The following GJC2 variants were observed in gnomAD, a reference collection of about 807,000 sequenced individuals.
GJC2 encodes gap junction protein gamma 2.
For synonymous variants in GJC2, 336 were observed against 307.5 expected, an observed-to-expected ratio of 1.09 and a Z score of -0.97; for missense variants, 647 against 648.9, an observed-to-expected ratio of 1.00 and a Z score of 0.03.
At chr1:228,155,107 A>G (rs1571906077) in intron 1 of GJC2, among the ~76,000 whole-genome samples, 1 of 152,204 alleles carries the variant, frequency 6.6e-6, no homozygotes, top group African/African-American at 2.4e-5. Flanking sequence ...TCGTCATCAC[A>G]TGGAATAGTC....
chr1:228,154,777 T>C (rs2034660368), intron 1 of GJC2, among the ~76,000 whole-genome samples: 1 of 152,242 alleles, frequency 6.6e-6, no homozygotes. Flanking sequence ...AGGCACTGGG[T>C]GCTCTACGTG....
Position 228,158,249 on chromosome 1 carries a change from G to A in GJC2, c.491G>A (p.Gly164Asp). ...EEEEETGAAE[G>D]AGEEAEEAGA... Reference sequence around the variant, plus strand: ...GAGGAGGAGACGGGGGCAGCCGAGGGCGCCGGCGAGGAAGCGGAGGAGGCA... The same window carrying A: ...GAGGAGGAGACGGGGGCAGCCGAGGACGCCGGCGAGGAAGCGGAGGAGGCA... Residue 164 changes from glycine to aspartate, a missense_variant, in exon 2 of 2, where the codon GGC (glycine) becomes GAC (aspartate). Coordinates refer to ENST00000366714, the MANE Select transcript of GJC2 (RefSeq NM_020435.4). This position sits in a 1 kb window ranked among gnomAD's most constrained non-coding sequence, Gnocchi z 8.3. The A allele has an allele frequency of 6.6e-7, 1 of 1,513,364 alleles. No individual in the cohort carries two copies. The highest frequency in any genetic ancestry group is 1.4e-5 in the African/African-American group (1 of 72,512). 93.7% of individuals were successfully genotyped at this position (1,513,364 alleles called of 1,614,324 possible).
rs1266616845 is a variant in GJC2, at chr1:228,158,886, C to T, written c.1128C>T (p.Gly376=). 1 of 1,489,212 alleles carries T rather than the reference C, an allele frequency of 6.7e-7. No individual in the cohort carries two copies. Among genetic ancestry groups the T allele is most frequent in the African/African-American group, 1.5e-5 (1 of 68,260 alleles). 92.2% of individuals were successfully genotyped at this position (1,489,212 alleles called of 1,614,324 possible). The change falls in exon 2 of 2, where the codon GGC becomes GGT. Residue 376 remains glycine (G), a synonymous_variant. Coordinates refer to ENST00000366714, the MANE Select transcript of GJC2 (RefSeq NM_020435.4). The surrounding 1 kb of genome is among the most constrained non-coding windows in gnomAD (Gnocchi z 8.3). Reference sequence around the variant, plus strand: ...ACCGGGACAGTTCGCCGTGCGTCGGCCTCCCTGCGGCCTCCCGGGGGCCCC... The same window carrying T: ...ACCGGGACAGTTCGCCGTGCGTCGGTCTCCCTGCGGCCTCCCGGGGGCCCC... ...DRDRDSSPCV[G]LPAASRGPPR... is the part of the protein sequence containing the mutation.
chr1:228,158,058 C>A lies in GJC2; in HGVS notation c.300C>A (p.His100Gln), dbSNP rs372240320. The stretch of plus-strand genomic sequence containing the variant: ...TCATGTACCTGGGCTACGCCGTGCA[C>A]CGCCTGGCCCGTGCGTCTGAGCAGG... Reference protein sequence around the residue: ...PSVMYLGYAVHRLARASEQER... With the variant: ...PSVMYLGYAVQRLARASEQER... Residue 100 changes from histidine (H) to glutamine (Q), a missense_variant, in exon 2 of 2, where the codon CAC becomes CAA. Coordinates refer to ENST00000366714, the MANE Select transcript of GJC2 (RefSeq NM_020435.4). This position sits in a 1 kb window ranked among gnomAD's most constrained non-coding sequence, Gnocchi z 8.3. 2.6e-5 allele frequency: 42 copies of A among 1,605,618 alleles called. No individual in the cohort carries two copies. The highest frequency in any genetic ancestry group is 3.5e-5 in the Non-Finnish European group (41 of 1,178,580).
At position 228,159,028 on chromosome 1, in the gene GJC2, G is replaced by C; in HGVS notation, c.1270G>C (p.Glu424Gln). The change falls in exon 2 of 2, where the codon GAG becomes CAG. Residue 424 changes from glutamate (E) to glutamine (Q), a missense_variant. Coordinates refer to ENST00000366714, the MANE Select transcript of GJC2 (RefSeq NM_020435.4). This position sits in a 1 kb window ranked among gnomAD's most constrained non-coding sequence, Gnocchi z 4.0. ...RPGAKPRAGS[E>Q]KGSASSRDGK... ...AGGAGCCAAGCCCAGGGCTGGCTCC[G>C]AGAAGGGCAGTGCCAGCAGCAGGGA... 1 of 1,609,728 alleles carries C rather than the reference G, an allele frequency of 6.2e-7. No individual in the cohort carries two copies. The highest frequency in any genetic ancestry group is 8.5e-7 in the Non-Finnish European group (1 of 1,179,504).
chr1:228,159,280 G>C lies in GJC2; in HGVS notation c.*202G>C. 1.6e-6 allele frequency: 1 copy of C among 628,994 alleles called. No individual in the cohort carries two copies. The highest frequency in any genetic ancestry group is 2.8e-6 in the Non-Finnish European group (1 of 355,742). The allele number at this position is 628,994 out of a possible 1,614,324, so 39.0% of individuals were successfully genotyped here. On this transcript the variant is annotated 3_prime_UTR_variant, in exon 2 of 2. Transcript: ENST00000366714. The surrounding 1 kb of genome is among the most constrained non-coding windows in gnomAD (Gnocchi z 4.0). ...TGGTCACCACTGGGGCCAAGGTGGG[G>C]TGGAGAGAGGCCTAGGAGCCAGAAA...
In GJC2 at chr1:228,157,741, A is replaced by ATT; in HGVS notation, c.-18_-17insTT. On this transcript the variant is annotated splice_region_variant and 5_prime_UTR_variant, in exon 2 of 2. Transcript: ENST00000366714. ...GCTGACCCCTACCCCGCCCCACAGGACCCGCCCGCCCGCCCCTATGACCAA... is the reference window on the plus strand; with the variant it reads ...GCTGACCCCTACCCCGCCCCACAGGATTCCCGCCCGCCCGCCCCTATGACCAA... 2.8e-6 allele frequency: 1 copy of ATT among 354,470 alleles called. No homozygotes were observed. The highest frequency in any genetic ancestry group is 1.9e-5 in the South Asian group (1 of 52,106). The allele number at this position is 354,470 out of a possible 1,614,324, so 22.0% of individuals were successfully genotyped here.
In GJC2 at chr1:228,150,282, G is replaced by A. The variant is rs2034598566; in HGVS notation, c.-20+275G>A. ...GGCACCAACCGGTGGGGTCTGCTCT[G>A]GGACAGCTGGCAAGCGGGAGGGGGG... On this transcript the variant is annotated intron_variant, in intron 1 of 1. Coordinates refer to ENST00000366714, the MANE Select transcript of GJC2 (RefSeq NM_020435.4). This position sits in a 1 kb window ranked among gnomAD's most constrained non-coding sequence, Gnocchi z 4.6. 6.6e-6 allele frequency among the ~76,000 whole-genome samples: 1 copy of A among 152,148 alleles called. No individual in the cohort carries two copies. The highest frequency in any genetic ancestry group is 2.4e-5 in the African/African-American group (1 of 41,424).
chr1:228,156,295 C>A (rs923591533), intron 1 of GJC2, among the ~76,000 whole-genome samples: 3 of 152,260 alleles, frequency 2.0e-5, no homozygotes, highest in African/African-American at 7.2e-5. Context: ...TGCAAAGAAG[C>A]ATGCCTGTGG....
Position 228,158,544 on chromosome 1 carries a change from T to C in GJC2, c.786T>C (p.Thr262=), listed in dbSNP as rs1210433237. Residue 262 remains threonine (T), a synonymous_variant, in exon 2 of 2, where the codon ACT becomes ACC. Transcript: ENST00000366714. This position sits in a 1 kb window ranked among gnomAD's most constrained non-coding sequence, Gnocchi z 8.3. ...HVVDCFVSRP[T]EKTVFLLVMY... ...TGGACTGCTTCGTGTCGCGCCCTACTGAAAAGACGGTCTTCCTGCTGGTTA... is the reference window on the plus strand; with the variant it reads ...TGGACTGCTTCGTGTCGCGCCCTACCGAAAAGACGGTCTTCCTGCTGGTTA... 3 of 1,612,736 alleles carry C rather than the reference T, an allele frequency of 1.9e-6. No individual in the cohort carries two copies. The highest frequency in any genetic ancestry group is 2.7e-5 in the African/African-American group (2 of 74,848).
chr1:228,151,027 C>A lies in GJC2; in HGVS notation c.-20+1020C>A, dbSNP rs989672635. 9.9e-5 allele frequency among the ~76,000 whole-genome samples: 15 copies of A among 152,114 alleles called. No individual in the cohort carries two copies. Among genetic ancestry groups the A allele is most frequent in the African/African-American group, 3.6e-4 (15 of 41,422 alleles). On this transcript the variant is annotated intron_variant, in intron 1 of 1. Transcript: ENST00000366714. This position sits in a 1 kb window ranked among gnomAD's most constrained non-coding sequence, Gnocchi z 5.4. ...CTCCCAGCCTGACCCAGGCCTAACT[C>A]GCCCCCTTGGTCCACCTCCAGAGGA...
chr1:228,154,504 G>A (rs1445419333), intron 1 of GJC2, among the ~76,000 whole-genome samples: 2 of 152,186 alleles, frequency 1.3e-5, no homozygotes, highest in African/African-American at 4.8e-5. Context: ...GCATGCTGCA[G>A]AGGCGCTCTC....
At position 228,158,042 on chromosome 1, in the gene GJC2, T is replaced by C. The variant is rs1379732545; in HGVS notation, c.284T>C (p.Leu95Pro). The C allele has an allele frequency of 6.2e-7, 1 of 1,609,440 alleles. No homozygotes were observed. The highest frequency in any genetic ancestry group is 8.5e-7 in the Non-Finnish European group (1 of 1,179,312). ...ATCTCCACGCCCTCGGTCATGTACCTGGGCTACGCCGTGCACCGCCTGGCC... is the reference window on the plus strand; with the variant it reads ...ATCTCCACGCCCTCGGTCATGTACCCGGGCTACGCCGTGCACCGCCTGGCC... ...VVISTPSVMY[L>P]GYAVHRLARA... is the part of the protein sequence containing the mutation. The change falls in exon 2 of 2, where the codon CTG (leucine) becomes CCG (proline). Residue 95 changes from leucine to proline, a missense_variant. By Grantham distance (98) the Leu-to-Pro change is moderately conservative. Coordinates refer to ENST00000366714, the MANE Select transcript of GJC2 (RefSeq NM_020435.4). The surrounding 1 kb of genome is among the most constrained non-coding windows in gnomAD (Gnocchi z 8.3).
chr1:228,153,035 A>G lies in GJC2; in HGVS notation c.-20+3028A>G, dbSNP rs145392251. ...GTAGCTTTGGGGTGAGATCTCTTGG[A>G]CTTGTGTGCACATAGTCTGCAAATC... is the stretch of plus-strand genomic sequence containing the variant. On this transcript the variant is annotated intron_variant, in intron 1 of 1. Coordinates refer to ENST00000366714, the MANE Select transcript of GJC2 (RefSeq NM_020435.4). 1.3e-4 allele frequency among the ~76,000 whole-genome samples: 20 copies of G among 151,776 alleles called. 1 individual carries two copies. The highest frequency in any genetic ancestry group is 3.4e-3 in the Middle Eastern group (1 of 294).
Position 228,158,819 on chromosome 1 carries a change from C to T in GJC2, c.1061C>T (p.Ala354Val). The T allele has an allele frequency of 1.4e-6, 2 of 1,455,338 alleles. No individual in the cohort carries two copies. Among genetic ancestry groups the T allele is most frequent in the Non-Finnish European group, 1.8e-6 (2 of 1,107,498 alleles). 90.2% of individuals were successfully genotyped at this position (1,455,338 alleles called of 1,614,324 possible). A position where few individuals can be genotyped will look rare whatever the true frequency, so the allele number is the denominator to read the frequency against. Residue 354 changes from alanine (A) to valine (V), a missense_variant, in exon 2 of 2, where the codon GCC becomes GTC. Ala to Val is a moderately conservative substitution (Grantham distance 64). Coordinates refer to ENST00000366714, the MANE Select transcript of GJC2 (RefSeq NM_020435.4). This position sits in a 1 kb window ranked among gnomAD's most constrained non-coding sequence, Gnocchi z 8.3. ...RAHDQNLANL[A>V]LQALRDGAAA... ...CATGACCAGAACCTGGCAAACCTGG[C>T]CCTGCAGGCGCTGCGCGACGGGGCA...
chr1:228,159,056 G>A lies in GJC2; in HGVS notation c.1298G>A (p.Gly433Glu). Residue 433 changes from glycine (G) to glutamate (E), a missense_variant, in exon 2 of 2, where the codon GGG becomes GAG. Physicochemically the swap from Gly to Glu is moderately conservative, Grantham distance 98. Coordinates refer to ENST00000366714, the MANE Select transcript of GJC2 (RefSeq NM_020435.4). The surrounding 1 kb of genome is among the most constrained non-coding windows in gnomAD (Gnocchi z 4.0). ...AAGGGCAGTGCCAGCAGCAGGGACG[G>A]GAAGACCACCGTGTGGATCTGAGGG... ...SEKGSASSRDGKTTVWI is the reference protein window; with the variant it reads ...SEKGSASSRDEKTTVWI 1 of 1,610,538 alleles carries A rather than the reference G, an allele frequency of 6.2e-7. No individual in the cohort carries two copies. Among genetic ancestry groups the A allele is most frequent in the Non-Finnish European group, 8.5e-7 (1 of 1,179,748 alleles).
Position 228,152,823 on chromosome 1 carries a change from C to T in GJC2, c.-20+2816C>T, listed in dbSNP as rs1415800599. On this transcript the variant is annotated intron_variant, in intron 1 of 1. Coordinates refer to ENST00000366714, the MANE Select transcript of GJC2 (RefSeq NM_020435.4). The surrounding 1 kb of genome is among the most constrained non-coding windows in gnomAD (Gnocchi z 7.3). ...CCCTGAGGCTGACCCTGCCTCACCA[C>T]TCCCAGACCTGGGCCAGGCAGCGTC... is the stretch of plus-strand genomic sequence containing the variant. Among the ~76,000 whole-genome samples the T allele has an allele frequency of 6.6e-6, 1 of 152,124 alleles. No homozygotes were observed. The highest frequency in any genetic ancestry group is 1.5e-5 in the Non-Finnish European group (1 of 68,012).
chr1:228,152,263 G>C lies in GJC2; in HGVS notation c.-20+2256G>C, dbSNP rs967422780. 6.6e-6 allele frequency among the ~76,000 whole-genome samples: 1 copy of C among 152,262 alleles called. No individual in the cohort carries two copies. Among genetic ancestry groups the C allele is most frequent in the South Asian group, 2.1e-4 (1 of 4,832 alleles). ...GTGCGTGGGTGCCTGTCTGGTGGCT[G>C]CCCTAAACTGCAGAAAACACCCACC... On this transcript the variant is annotated intron_variant, in intron 1 of 1. Transcript: ENST00000366714. The surrounding 1 kb of genome is among the most constrained non-coding windows in gnomAD (Gnocchi z 7.3).
rs1454897985 is a variant in GJC2 at position 228,152,091 on chromosome 1, G to A, written c.-20+2084G>A. ...GAGTGCAGGGGAAGGAGGGGACTGT[G>A]CCTGCAGGAGCTCCAGGGAAGTGGG... is the stretch of plus-strand genomic sequence containing the variant. On this transcript the variant is annotated intron_variant, in intron 1 of 1. Transcript: ENST00000366714. This position sits in a 1 kb window ranked among gnomAD's most constrained non-coding sequence, Gnocchi z 7.3. Among the ~76,000 whole-genome samples, 1 of 152,138 alleles carries A rather than the reference G, an allele frequency of 6.6e-6. No homozygotes were observed. The highest frequency in any genetic ancestry group is 1.5e-5 in the Non-Finnish European group (1 of 68,000).
Sources: allele counts gnomAD v4.1 joint callset (sites outside exome capture counted in the v4.1 genomes callset), GRCh38; gene constraint gnomAD v4.1.1; non-coding constraint Gnocchi (gnomAD v3.1); transcripts MANE v1.5; gene names NCBI Gene and HGNC (gene_info 2026-07-23, HGNC 2026-07-21).